ZFAND4: variants seen among roughly 807,000 people sequenced by gnomAD.
The protein encoded by ZFAND4 is zinc finger AN1-type containing 4, also known as AN1-type zinc finger protein 4.
In ZFAND4, 43 loss-of-function variants were observed where a neutral mutation model predicts 64.4. The observed-to-expected ratio is 0.67, with a 90% CI of 0.52 to 0.86. The LOEUF (loss-of-function observed/expected upper bound fraction) is 0.86, where lower values mean the gene tolerates loss of function less well. Ranked by LOEUF, ZFAND4 falls within the 40% of genes least tolerant of loss-of-function variation. The probability of loss-of-function intolerance (pLI) is 0.00; values close to 1 mark genes in which losing one functional copy is unlikely to be tolerated. For missense variants in ZFAND4, 929 were observed against 859.8 expected, an observed-to-expected ratio of 1.08 and a Z score of -1.01; for synonymous variants, 296 against 305.7, an observed-to-expected ratio of 0.97 and a Z score of 0.33.
At chr10:45,634,290 C>A (rs1460446569) in intron 6 of ZFAND4, among the ~76,000 whole-genome samples, 2 of 151,892 alleles carry the variant, frequency 1.3e-5, no homozygotes, top group East Asian at 3.9e-4. Context: ...CTTGGGAGGC[C>A]GAGGCAGGCA....
chr10:45,666,505 A>G (rs1048821392), intron 1 of ZFAND4, among the ~76,000 whole-genome samples: 18 of 151,846 alleles, frequency 1.2e-4, no homozygotes, highest in Admixed American at 8.5e-4. Context: ...TTGTCTTTTG[A>G]TAGTATCTTT....
intron 8 of ZFAND4, among the ~76,000 whole-genome samples, chr10:45,619,249 C>T (rs2045239297): frequency 1.3e-5 from 2 of 148,360 alleles, no homozygotes; most frequent in Admixed American, 1.4e-4. Context: ...CCATCTTGGT[C>T]AGTCTGGTCT....
intron 8 of ZFAND4, among the ~76,000 whole-genome samples, chr10:45,622,251 G>A (rs578021498): frequency 6.6e-6 from 1 of 152,280 alleles, no homozygotes; most frequent in Admixed American, 6.5e-5. Context: ...AATGAGGAAG[G>A]ACAGTGTTTC....
At chr10:45,658,452 C>T (rs1432707098) in intron 2 of ZFAND4, among the ~76,000 whole-genome samples, 2 of 152,024 alleles carry the variant, frequency 1.3e-5, no homozygotes, top group Non-Finnish European at 2.9e-5. Context: ...GTTAAGTCAC[C>T]CAGTTTGTGA....
intron 2 of ZFAND4, among the ~76,000 whole-genome samples, chr10:45,654,416 C>T (rs1012607270): frequency 6.6e-6 from 1 of 152,000 alleles, no homozygotes; most frequent in South Asian, 2.1e-4. Context: ...GTCAAGAGAT[C>T]GAGACCATCC....
intron 8 of ZFAND4, among the ~76,000 whole-genome samples, chr10:45,620,007 A>T (rs2045296230): frequency 6.6e-6 from 1 of 152,240 alleles, no homozygotes; most frequent in African/African-American, 2.4e-5. Flanking sequence ...ATATATTACA[A>T]GATGTCCAAT....
chr10:45,654,551 A>G (rs1334690223), intron 2 of ZFAND4, among the ~76,000 whole-genome samples: 1 of 151,910 alleles, frequency 6.6e-6, no homozygotes, highest in African/African-American at 2.4e-5. Context: ...CCTGGGAGGC[A>G]GAGGTTGCAG....
At chr10:45,654,359 G>A (rs1000537975) in intron 2 of ZFAND4, among the ~76,000 whole-genome samples, 7 of 152,192 alleles carry the variant, frequency 4.6e-5, no homozygotes, top group Non-Finnish European at 1.0e-4. Flanking sequence ...AGTAGCTCAT[G>A]CCTGTAATTC....
intron 1 of ZFAND4, among the ~76,000 whole-genome samples, chr10:45,669,785 G>A (rs1564643795): frequency 6.6e-6 from 1 of 152,144 alleles, no homozygotes; most frequent in Non-Finnish European, 1.5e-5. Context: ...AAAACCACAT[G>A]ATTATCTTAA....
At chr10:45,640,742 G>A (rs368464292) in intron 5 of ZFAND4, among the ~76,000 whole-genome samples, 1 of 152,024 alleles carries the variant, frequency 6.6e-6, no homozygotes, top group Non-Finnish European at 1.5e-5. Context: ...CGCCTACCTC[G>A]GCCTCCCAAA....
intron 1 of ZFAND4, among the ~76,000 whole-genome samples, chr10:45,667,391 T>C (rs1309144137): frequency 1.3e-5 from 2 of 151,728 alleles, no homozygotes; most frequent in African/African-American, 2.4e-5. Context: ...AAGCTCTATA[T>C]ACAAGATCAT....
At position 45,626,960 on chromosome 10, in the gene ZFAND4, G is replaced by A. The variant is rs190859386; in HGVS notation, c.863C>T (p.Pro288Leu). 46 of 1,614,164 alleles carry A rather than the reference G, an allele frequency of 2.8e-5. No individual in the cohort carries two copies. Among genetic ancestry groups the A allele is most frequent in the East Asian group, 2.5e-4 (11 of 44,888 alleles). ...AATTCCATTCCTGGAGATTTCGGGC[G>A]GATATGCATTCCCAAAAGCAGGTGA... ...SCSPAFGNAY[P>L]PEISRNGISS... The change falls in exon 7 of 10, where the codon CCG (proline) becomes CTG (leucine). Residue 288 changes from proline to leucine, a missense_variant. Transcript: ENST00000344646.
In ZFAND4 at chr10:45,626,891, GA is replaced by G; in HGVS notation, c.931del (p.Ser311LeufsTer61). 6.2e-7 allele frequency: 1 copy of G among 1,614,206 alleles called. No individual in the cohort carries two copies. The stretch of plus-strand genomic sequence containing the variant: ...TTCCTTAAGAAATTCACCAGTGATA[GA>G]AGATATGTATCTCTCAGCAGAGAGT... ...TQLSAERYIS[S>X]ITGEFLKEDN... On this transcript the variant is annotated frameshift_variant, in exon 7 of 10. Transcript: ENST00000344646. LOFTEE classifies it high-confidence loss of function.
chr10:45,649,095 C>T (rs142416728), intron 4 of ZFAND4: 5,469 of 228,222 alleles, frequency 0.024, 94 homozygotes, highest in East Asian at 0.051. Flanking sequence ...GGTGAAACCC[C>T]GTCTCTACTA....
intron 2 of ZFAND4, among the ~76,000 whole-genome samples, chr10:45,662,280 A>T (rs983173560): frequency 2.0e-5 from 3 of 152,182 alleles, no homozygotes; most frequent in Non-Finnish European, 2.9e-5. Flanking sequence ...AGAGACAAGG[A>T]CTCTATAACT....
intron 4 of ZFAND4, among the ~76,000 whole-genome samples, 187 bp from the exon 5 acceptor site, chr10:45,648,721 G>C (rs1483124654): frequency 6.6e-6 from 1 of 151,998 alleles, no homozygotes; most frequent in African/African-American, 2.4e-5. Context: ...ATATTAATAA[G>C]AAACAAACAA....
rs60572011 is a variant in ZFAND4 at position 45,667,458 on chromosome 10, CTTTTTTTTTTTT to C, written c.-117-3628_-117-3617del. Among the ~76,000 whole-genome samples the C allele has an allele frequency of 4.4e-5, 4 of 90,662 alleles. No homozygotes were observed. The East Asian group carries it at 1.0e-3, about 23-fold the overall frequency. 59.5% of individuals were successfully genotyped at this position (90,662 alleles called of 152,430 possible). On this transcript the variant is annotated intron_variant, in intron 1 of 9. Transcript: ENST00000344646. ...TTCTAATCTATATGCTCTTTTCTTT[CTTTTTTTTTTTT>C]TTTTTTTTTTTGGAGGGGGTGAAAG...
intron 5 of ZFAND4, among the ~76,000 whole-genome samples, chr10:45,643,908 A>C (rs1468185545): frequency 6.6e-6 from 1 of 152,158 alleles, no homozygotes; most frequent in African/African-American, 2.4e-5. Flanking sequence ...AACTTTAATT[A>C]GTTGAAAAAA....
intron 1 of ZFAND4, among the ~76,000 whole-genome samples, chr10:45,665,314 C>T (rs2048747909): frequency 6.6e-6 from 1 of 151,844 alleles, no homozygotes; most frequent in South Asian, 2.1e-4. Context: ...CCGAGGTGGG[C>T]GGATCACCTG....
Sources: allele counts gnomAD v4.1 joint callset (sites outside exome capture counted in the v4.1 genomes callset), GRCh38; gene constraint gnomAD v4.1.1; transcripts MANE v1.5; gene names NCBI Gene and HGNC (gene_info 2026-07-23, HGNC 2026-07-21).